Variants in MINAR1 observed in about 807,000 individuals in gnomAD.
MINAR1 encodes the protein major intrinsically disordered Notch2-binding receptor 1.
Under a neutral mutation model 65.1 loss-of-function variants are expected in MINAR1, and 40 were observed. The observed-to-expected ratio is 0.61, with a 90% CI of 0.48 to 0.80. The LOEUF (loss-of-function observed/expected upper bound fraction) is 0.80. Ranked by LOEUF, MINAR1 falls within the 30% of genes least tolerant of loss-of-function variation. MINAR1 has a pLI of 0.00. For synonymous variants in MINAR1, 482 were observed against 449.1 expected (o/e 1.07, Z -0.93); for missense variants, 1,128 against 1,148.0 (o/e 0.98, Z 0.25).
the MINAR1 span, chr15:79,424,556 T>C: frequency 6.6e-6 from 1 of 152,222 alleles, no homozygotes; most frequent in East Asian, 1.9e-4. Flanking sequence ...AGCGTGAGGA[T>C]ATTATAAGGT....
chr15:79,458,490 T>C (rs1267452649), intron 2 of MINAR1, 45 bp downstream of exon 2: 13 of 1,581,446 alleles, frequency 8.2e-6, no homozygotes, highest in Admixed American at 1.7e-5. Context: ...AGCTTCATCA[T>C]AGCCCTGGTG....
intron 1 of MINAR1, among the ~76,000 whole-genome samples, chr15:79,433,124 G>A (rs1273079949): frequency 1.3e-5 from 2 of 152,218 alleles, no homozygotes; most frequent in East Asian, 3.9e-4. Context: ...CGCGGGGAGC[G>A]TAAGCTCGCT....
At chr15:79,451,927 T>G (rs1895216415) in intron 1 of MINAR1, among the ~76,000 whole-genome samples, 1 of 152,130 alleles carries the variant, frequency 6.6e-6, no homozygotes, top group African/African-American at 2.4e-5. Context: ...TTAAGAAAGT[T>G]TAAACCCTGA....
chr15:79,455,740 C>T (rs1263366499), intron 1 of MINAR1, among the ~76,000 whole-genome samples: 1 of 152,080 alleles, frequency 6.6e-6, no homozygotes, highest in Admixed American at 6.5e-5. Flanking sequence ...GCGTAGTAGT[C>T]CATTGTAAGA....
chr15:79,437,414 TAGTGAGTG>T (rs1436674535), intron 1 of MINAR1, among the ~76,000 whole-genome samples: 2 of 148,174 alleles, frequency 1.3e-5, no homozygotes, highest in Admixed American at 6.7e-5. Context: ...TGTGGGTGGA[TAGTGAGTG>T]GGTGGGTAGT....
chr15:79,468,171 T>TTC lies in MINAR1; in HGVS notation c.2554-12_2554-11dup. ...AAGTATTCACTGTATTTCTAACATCTTCTCTTCGCTTTTAGACGCAAGAAT... is the reference window on the plus strand; with the variant it reads ...AAGTATTCACTGTATTTCTAACATCTTCTCTCTTCGCTTTTAGACGCAAGAAT... On this transcript the variant is annotated splice_polypyrimidine_tract_variant and intron_variant, in intron 3 of 3. Transcript: ENST00000305428. The TTC allele has an allele frequency of 1.2e-6, 2 of 1,605,296 alleles. No homozygotes were observed. The highest frequency in any genetic ancestry group is 1.7e-6 in the Non-Finnish European group (2 of 1,172,664).
intron 1 of MINAR1, among the ~76,000 whole-genome samples, chr15:79,444,297 T>G (rs1446759966): frequency 6.6e-6 from 1 of 152,218 alleles, no homozygotes; most frequent in Non-Finnish European, 1.5e-5. Context: ...TTACCTATGT[T>G]AATGTTGTTC....
chr15:79,422,735 C>T, the MINAR1 span: 1 of 151,980 alleles, frequency 6.6e-6, no homozygotes, highest in Admixed American at 6.6e-5. Flanking sequence ...ATGAAGCTGC[C>T]ACTTGTATAT....
At position 79,456,382 on chromosome 15, in the gene MINAR1, A is replaced by G. The variant is rs150235274; in HGVS notation, c.235A>G (p.Lys79Glu). The G allele has an allele frequency of 9.9e-6, 16 of 1,614,110 alleles. No individual in the cohort carries two copies. The African/African-American group carries it at 1.2e-4, about 12-fold the overall frequency. Residue 79 changes from lysine (K) to glutamate (E), a missense_variant, in exon 2 of 4, where the codon AAG becomes GAG. Physicochemically the swap from Lys to Glu is moderately conservative, Grantham distance 56 (BLOSUM62 1). Coordinates refer to ENST00000305428, the MANE Select transcript of MINAR1 (RefSeq NM_015206.3). ...ATGCACTGTGAATAACCAGCAATCA[A>G]AGAAAATCATGGTGGCAGCAGATAT... The part of the protein sequence containing the change: ...MKCTVNNQQS[K>E]KIMVAADIVT...
Position 79,456,793 on chromosome 15 carries a change from T to C in MINAR1, c.646T>C (p.Phe216Leu). ...PQPCEMQRTY[F>L]PMNIENESIS... ...GCCCTGTGAGATGCAGAGGACCTACTTCCCCATGAACATCGAAAACGAGTC... is the reference window on the plus strand; with the variant it reads ...GCCCTGTGAGATGCAGAGGACCTACCTCCCCATGAACATCGAAAACGAGTC... The change falls in exon 2 of 4, where the codon TTC becomes CTC. Residue 216 changes from phenylalanine to leucine, a missense_variant. Phe to Leu is a conservative substitution (Grantham distance 22, BLOSUM62 0). Transcript: ENST00000305428. 2 of 1,614,198 alleles carry C rather than the reference T, an allele frequency of 1.2e-6. No individual in the cohort carries two copies. The highest frequency in any genetic ancestry group is 1.7e-6 in the Non-Finnish European group (2 of 1,180,034).
At chr15:79,411,536 A>T in the MINAR1 span, 1 of 700,806 alleles carries the variant, frequency 1.4e-6, no homozygotes, top group South Asian at 1.5e-5. Flanking sequence ...CTGAGAGTGG[A>T]TGGAGGGAAG....
intron 2 of MINAR1, among the ~76,000 whole-genome samples, chr15:79,462,428 C>A (rs967171968): frequency 5.9e-5 from 9 of 152,142 alleles, no homozygotes; most frequent in Admixed American, 5.2e-4. Flanking sequence ...CACCTTCCTA[C>A]CTCCACACTG....
At chr15:79,462,838 A>G (rs1204298605) in intron 2 of MINAR1, among the ~76,000 whole-genome samples, 1 of 152,142 alleles carries the variant, frequency 6.6e-6, no homozygotes, top group Non-Finnish European at 1.5e-5. Context: ...ACATTAAATA[A>G]CCTTTTTCTG....
upstream of MINAR1, among the ~76,000 whole-genome samples, chr15:79,431,582 G>A (rs1172695541): frequency 6.6e-6 from 1 of 152,080 alleles, no homozygotes; most frequent in Admixed American, 6.5e-5. Flanking sequence ...CAATTAAGCC[G>A]ACACCAGCCA....
At chr15:79,467,031 C>T (rs2141308821) in intron 3 of MINAR1, among the ~76,000 whole-genome samples, 1 of 152,262 alleles carries the variant, frequency 6.6e-6, no homozygotes, top group Non-Finnish European at 1.5e-5. Flanking sequence ...GGGGAGCCCC[C>T]ATGACGTGTC....
At chr15:79,442,764 G>A (rs1008816676) in intron 1 of MINAR1, among the ~76,000 whole-genome samples, 52 of 147,138 alleles carry the variant, frequency 3.5e-4, no homozygotes, top group African/African-American at 1.4e-3. Flanking sequence ...TGTTTATCTA[G>A]TGTTTTTACC....
intron 3 of MINAR1, among the ~76,000 whole-genome samples, chr15:79,465,025 C>G (rs539480096): frequency 5.9e-5 from 9 of 152,178 alleles, no homozygotes; most frequent in African/African-American, 9.6e-5. Flanking sequence ...AGATTTACCC[C>G]CTACAGATAT....
chr15:79,457,851 C>G lies in MINAR1; in HGVS notation c.1704C>G (p.Ala568=). Residue 568 remains alanine, a synonymous_variant, in exon 2 of 4, where the codon GCC becomes GCG. Coordinates refer to ENST00000305428, the MANE Select transcript of MINAR1 (RefSeq NM_015206.3). Reference sequence around the variant, plus strand: ...CTGAGCACAACTTAACCAAAATTGCCAATGGGGTCCCCAACAGCAAGGGAG... The same window carrying G: ...CTGAGCACAACTTAACCAAAATTGCGAATGGGGTCCCCAACAGCAAGGGAG... ...SSPEHNLTKI[A]NGVPNSKGDK... 6.2e-7 allele frequency: 1 copy of G among 1,614,076 alleles called. No homozygotes were observed. The highest frequency in any genetic ancestry group is 2.2e-5 in the East Asian group (1 of 44,880).
intron 1 of MINAR1, among the ~76,000 whole-genome samples, chr15:79,437,792 T>G (rs1170641194): frequency 1.0e-4 from 2 of 19,062 alleles, no homozygotes; most frequent in African/African-American, 1.9e-4. Flanking sequence ...GTGTGTGGGG[T>G]GTGGGGTTGG....
Sources: allele counts gnomAD v4.1 joint callset (sites outside exome capture counted in the v4.1 genomes callset), GRCh38; gene constraint gnomAD v4.1.1; transcripts MANE v1.5; gene names NCBI Gene and HGNC (gene_info 2026-07-23, HGNC 2026-07-21).